TSHZ2: variants seen among roughly 807,000 people sequenced by gnomAD.
TSHZ2 encodes the protein teashirt zinc finger homeobox 2.
A neutral mutation model predicts 74.4 loss-of-function variants in TSHZ2; 21 were observed. That is an observed-to-expected ratio of 0.28 (90% confidence interval 0.20 to 0.41). The LOEUF is 0.41. TSHZ2 is among the 10% of genes least tolerant of loss of function. TSHZ2 has a pLI of 1.00. For synonymous variants in TSHZ2, 540 were observed against 515.3 expected, an observed-to-expected ratio of 1.05 and a Z score of -0.65; for missense variants, 1,244 against 1,293.5, an observed-to-expected ratio of 0.96 and a Z score of 0.59.
chr20:53,012,979 C>T (rs2123005276), intron 1 of TSHZ2, among the ~76,000 whole-genome samples: 1 of 152,224 alleles, frequency 6.6e-6, no homozygotes, highest in African/African-American at 2.4e-5. Flanking sequence ...AGACAAGCTA[C>T]CCTAGTTGAT....
Position 53,237,659 on chromosome 20 carries a change from G to A in TSHZ2, c.41-15840G>A, listed in dbSNP as rs140176737. On this transcript the variant is annotated intron_variant, in intron 1 of 2. Coordinates refer to ENST00000371497, the MANE Select transcript of TSHZ2 (RefSeq NM_173485.6). ...AGTGCACATCATTTTCCTGATCAGC[G>A]GTAGCGAGGCTGCATCTTTAGGAGC... 7.3e-3 allele frequency among the ~76,000 whole-genome samples: 1,107 copies of A among 152,242 alleles called. 6 individuals are homozygous for A. The highest frequency in any genetic ancestry group is 0.044 in the Middle Eastern group (13 of 294).
chr20:53,391,485 T>G (rs6097391), intron 2 of TSHZ2, among the ~76,000 whole-genome samples: 13,050 of 151,716 alleles, frequency 0.086, 1,477 homozygotes, highest in African/African-American at 0.25. Flanking sequence ...TTTTGTTTTT[T>G]TTTTTTTACA....
At chr20:53,193,031 G>A (rs549652746) in intron 1 of TSHZ2, among the ~76,000 whole-genome samples, 9 of 152,238 alleles carry the variant, frequency 5.9e-5, no homozygotes, top group East Asian at 1.9e-4. Flanking sequence ...CATGCGGAAC[G>A]CTCTTATCCA....
intron 1 of TSHZ2, among the ~76,000 whole-genome samples, chr20:53,127,762 C>T (rs948798465): frequency 2.6e-5 from 4 of 152,076 alleles, no homozygotes; most frequent in Non-Finnish European, 5.9e-5. Context: ...ACAACTTCAT[C>T]GATGACAATG....
intron 2 of TSHZ2, among the ~76,000 whole-genome samples, chr20:53,296,452 A>C (rs1991382531): frequency 6.6e-6 from 1 of 152,206 alleles, no homozygotes; most frequent in South Asian, 2.1e-4. Context: ...GCTCAGTGTT[A>C]TCTCCCTCAT....
At chr20:53,456,565 G>A (rs1258457409) in intron 2 of TSHZ2, among the ~76,000 whole-genome samples, 1 of 111,268 alleles carries the variant, frequency 9.0e-6, no homozygotes, top group Non-Finnish European at 1.8e-5. Context: ...AGTTTAATTA[G>A]ATCCCATTTG....
At chr20:53,389,595 GT>G (rs1320850567) in intron 2 of TSHZ2, among the ~76,000 whole-genome samples, 1 of 152,212 alleles carries the variant, frequency 6.6e-6, no homozygotes, top group Non-Finnish European at 1.5e-5. Context: ...TAGAAGAAAA[GT>G]AGTGGCAGAG....
chr20:52,977,213 C>G (rs1228379825), intron 1 of TSHZ2, among the ~76,000 whole-genome samples: 1 of 152,054 alleles, frequency 6.6e-6, no homozygotes, highest in Non-Finnish European at 1.5e-5. Context: ...AGGGGGCAGG[C>G]AGCTCAGGGC....
chr20:53,310,402 T>A (rs1325789686), intron 2 of TSHZ2, among the ~76,000 whole-genome samples: 4 of 152,246 alleles, frequency 2.6e-5, no homozygotes, highest in Admixed American at 6.5e-5. Context: ...TGTAGTCTGC[T>A]GCTGTGAAAC....
intron 2 of TSHZ2, among the ~76,000 whole-genome samples, chr20:53,389,239 CCAAA>C (rs1470034453): frequency 2.0e-5 from 3 of 152,216 alleles, no homozygotes; most frequent in African/African-American, 7.2e-5. Context: ...GTAAAAATGA[CCAAA>C]CAGAGTTAAC....
intron 1 of TSHZ2, among the ~76,000 whole-genome samples, chr20:53,217,694 G>C (rs8122708): frequency 0.01 from 1,592 of 152,290 alleles, 35 homozygotes; most frequent in African/African-American, 0.036. Flanking sequence ...CTATCCTTAA[G>C]TGTGAAATTT....
chr20:53,006,597 C>T (rs565753249), intron 1 of TSHZ2, among the ~76,000 whole-genome samples: 1 of 152,170 alleles, frequency 6.6e-6, no homozygotes, highest in South Asian at 2.1e-4. Context: ...TCTATGTTGC[C>T]AGATCTTTTG....
chr20:53,084,657 C>A (rs1413466660), intron 1 of TSHZ2, among the ~76,000 whole-genome samples: 1 of 86,628 alleles, frequency 1.2e-5, no homozygotes, highest in East Asian at 4.9e-4. Context: ...CTCCCTCTCT[C>A]CTTCTCTCCT....
At chr20:53,056,832 A>G (rs1046407387) in intron 1 of TSHZ2, among the ~76,000 whole-genome samples, 1 of 152,028 alleles carries the variant, frequency 6.6e-6, no homozygotes. Context: ...GTGACTTAGA[A>G]TCTCTAGCAC....
At chr20:53,480,027 C>T (rs1359648765) in intron 2 of TSHZ2, among the ~76,000 whole-genome samples, 1 of 151,544 alleles carries the variant, frequency 6.6e-6, no homozygotes, top group African/African-American at 2.4e-5. Context: ...CACTCGAGCC[C>T]AGGAGTTGAA....
At chr20:53,447,984 G>C (rs1251186991) in intron 2 of TSHZ2, among the ~76,000 whole-genome samples, 1 of 151,076 alleles carries the variant, frequency 6.6e-6, no homozygotes, top group Non-Finnish European at 1.5e-5. Context: ...CGTGATCTCG[G>C]CTCACGGCAA....
chr20:53,124,205 G>A (rs905736163), intron 1 of TSHZ2, among the ~76,000 whole-genome samples: 6 of 152,114 alleles, frequency 3.9e-5, no homozygotes, highest in African/African-American at 1.2e-4. Context: ...TTCCTGGGCC[G>A]GCCCTTCACT....
At chr20:53,276,568 G>T (rs1477827788) in intron 2 of TSHZ2, among the ~76,000 whole-genome samples, 1 of 152,156 alleles carries the variant, frequency 6.6e-6, no homozygotes, top group Admixed American at 6.5e-5. Context: ...ATAAGATGGG[G>T]ATAACTGTTC....
chr20:53,060,590 C>T (rs1365786113), intron 1 of TSHZ2, among the ~76,000 whole-genome samples: 1 of 152,160 alleles, frequency 6.6e-6, no homozygotes, highest in African/African-American at 2.4e-5. Flanking sequence ...CACTCAGAAA[C>T]AGAAATGTAA....
Sources: gnomAD v4.1 joint callset for allele counts (sites outside exome capture counted in the v4.1 genomes callset) on GRCh38, gnomAD v4.1.1 for gene constraint, MANE v1.5 for transcripts, NCBI Gene and HGNC (gene_info 2026-07-23, HGNC 2026-07-21) for gene names.